The following PRDM16 variants were observed in gnomAD, a reference collection of about 807,000 sequenced individuals.
The protein encoded by PRDM16 is PR/SET domain 16.
PRDM16 carries 23 observed loss-of-function variants against 110.6 expected under a neutral mutation model. The ratio of observed to expected loss-of-function variants is 0.21; its 90% CI spans 0.15 to 0.29. The LOEUF is 0.29. Ranked by LOEUF, PRDM16 falls within the 10% of genes least tolerant of loss-of-function variation. The probability of loss-of-function intolerance (pLI) is 1.00; values close to 1 mark genes in which losing one functional copy is unlikely to be tolerated. For synonymous variants in PRDM16, 799 were observed against 781.8 expected, an observed-to-expected ratio of 1.02 and a Z score of -0.37; for missense variants, 1,615 against 1,794.3, an observed-to-expected ratio of 0.90 and a Z score of 1.81.
intron 3 of PRDM16, among the ~76,000 whole-genome samples, chr1:3,355,270 C>A (rs1642571701): frequency 6.6e-6 from 1 of 152,132 alleles, no homozygotes; most frequent in Admixed American, 6.5e-5. Context: ...GTGGAGGCCT[C>A]CGGGGTATCA....
intron 3 of PRDM16, among the ~76,000 whole-genome samples, chr1:3,292,423 G>A (rs1016937019): frequency 2.0e-5 from 3 of 152,224 alleles, no homozygotes; most frequent in African/African-American, 4.8e-5. Flanking sequence ...CGAGAGAGAA[G>A]CAAAGAACAC....
intron 1 of PRDM16, among the ~76,000 whole-genome samples, chr1:3,118,114 C>CAT (rs1557460541): frequency 1.4e-4 from 18 of 127,712 alleles, no homozygotes; most frequent in African/African-American, 4.7e-4. Flanking sequence ...TGTGTGTGTG[C>CAT]GTGTGCGTGT....
chr1:3,180,802 G>A (rs868770357), intron 1 of PRDM16, among the ~76,000 whole-genome samples: 4 of 143,058 alleles, frequency 2.8e-5, no homozygotes, highest in African/African-American at 5.4e-5. Context: ...AGCTGAGGTT[G>A]CCCTGGACAC....
chr1:3,181,260 TCTTACACACGGC>T (rs1361858548), intron 1 of PRDM16, among the ~76,000 whole-genome samples: 1 of 147,016 alleles, frequency 6.8e-6, no homozygotes, highest in African/African-American at 2.6e-5. Context: ...ACACACGCAG[TCTTACACACGGC>T]CTTACGCATG....
chr1:3,107,578 C>A (rs1028110758), intron 1 of PRDM16, among the ~76,000 whole-genome samples: 1 of 152,256 alleles, frequency 6.6e-6, no homozygotes, highest in African/African-American at 2.4e-5. Context: ...GTTAACTTCT[C>A]TGTCTCAGCC....
chr1:3,220,771 G>A lies in PRDM16; in HGVS notation c.388-23316G>A, dbSNP rs114517512. Among the ~76,000 whole-genome samples, 638 of 152,304 alleles carry A rather than the reference G, an allele frequency of 4.2e-3. 2 individuals are homozygous for A. Among genetic ancestry groups the A allele is most frequent in the Non-Finnish European group, 7.5e-3 (511 of 68,020 alleles). On this transcript the variant is annotated intron_variant, in intron 2 of 16. Transcript: ENST00000270722. ...AAACAGGGAGGCAGCCCAGGGTGCA[G>A]GGCTCGTGCATCTGCTCGCCTCCTC...
rs1200878790 is a variant in PRDM16 at position 3,402,882 on chromosome 1, G to A, written c.768G>A (p.Val256=). The change falls in exon 6 of 17, where the codon GTG becomes GTA. Residue 256 remains valine (V), a synonymous_variant. Coordinates refer to ENST00000270722, the MANE Select transcript of PRDM16 (RefSeq NM_022114.4). ...ATAAGAAGTACACGTGTGGCTCAGT[G>A]GGGGCTGCGCTCTACGAGGGCCTGG... The part of the protein sequence containing the change: ...RRHKKYTCGS[V]GAALYEGLAE... 6.2e-7 allele frequency: 1 copy of A among 1,613,062 alleles called. No homozygotes were observed.
In PRDM16 at chr1:3,209,354, G is replaced by A. The variant is rs144223125; in HGVS notation, c.387+22880G>A. Among the ~76,000 whole-genome samples the A allele has an allele frequency of 3.5e-4, 54 of 152,292 alleles. No homozygotes were observed. In the East Asian group the frequency reaches 7.9e-3, roughly 22 times the overall value. ...TGACATCGGGGCACGCAGCTCCGAC[G>A]TGGCCGGTCCCGACTGGCACACCTG... On this transcript the variant is annotated intron_variant, in intron 2 of 16. Transcript: ENST00000270722. The surrounding 1 kb of genome is among the most constrained non-coding windows in gnomAD (Gnocchi z 4.6).
intron 1 of PRDM16, among the ~76,000 whole-genome samples, chr1:3,077,419 A>G (rs1392173054): frequency 6.6e-6 from 1 of 152,178 alleles, no homozygotes; most frequent in Admixed American, 6.5e-5. Context: ...GAAACCAGGT[A>G]AAGGTGAGGA....
intron 2 of PRDM16, among the ~76,000 whole-genome samples, chr1:3,195,231 G>A (rs944765086): frequency 6.6e-6 from 1 of 152,228 alleles, no homozygotes; most frequent in Non-Finnish European, 1.5e-5. Context: ...GTGCCGTGGA[G>A]GAGTCACAGC....
intron 1 of PRDM16, among the ~76,000 whole-genome samples, chr1:3,163,669 C>A (rs946829890): frequency 2.6e-5 from 4 of 152,150 alleles, no homozygotes; most frequent in Non-Finnish European, 4.4e-5. Flanking sequence ...ACCCTTGTCC[C>A]GGCCTCCTTC....
rs543723387 is a variant in PRDM16 at position 3,436,216 on chromosome 1, T to C, written c.*2405T>C. The C allele has an allele frequency of 3.0e-4, 69 of 226,414 alleles. No individual in the cohort carries two copies. Among genetic ancestry groups the C allele is most frequent in the African/African-American group, 1.5e-3 (65 of 44,320 alleles). The allele number at this position is 226,414 out of a possible 1,614,324, so 14.0% of individuals were successfully genotyped here. A position where few individuals can be genotyped will look rare whatever the true frequency, so the allele number is the denominator to read the frequency against. On this transcript the variant is annotated 3_prime_UTR_variant, in exon 17 of 17. Coordinates refer to ENST00000270722, the MANE Select transcript of PRDM16 (RefSeq NM_022114.4). ...GGTGTGTGCTTTTTTTTTTTTGCAA[T>C]ATGACCCCGTCTCTCTGAAGTGGGA...
chr1:3,254,529 C>G (rs1430518486), intron 3 of PRDM16, among the ~76,000 whole-genome samples: 1 of 152,020 alleles, frequency 6.6e-6, no homozygotes, highest in Non-Finnish European at 1.5e-5. Flanking sequence ...GACAGAGAGC[C>G]AAATCATGAG....
At position 3,213,408 on chromosome 1, in the gene PRDM16, C is replaced by T. The variant is rs1638945181; in HGVS notation, c.387+26934C>T. Among the ~76,000 whole-genome samples the T allele has an allele frequency of 6.6e-6, 1 of 152,206 alleles. No individual in the cohort carries two copies. Among genetic ancestry groups the T allele is most frequent in the Non-Finnish European group, 1.5e-5 (1 of 68,046 alleles). ...CGGGTCCTGGGCGTCTCGGCTCCGC[C>T]ATTGTCATTAATTATAAAATTGGGA... On this transcript the variant is annotated intron_variant, in intron 2 of 16. Transcript: ENST00000270722. This position sits in a 1 kb window ranked among gnomAD's most constrained non-coding sequence, Gnocchi z 5.3.
intron 3 of PRDM16, among the ~76,000 whole-genome samples, chr1:3,277,383 G>A (rs959066638): frequency 4.6e-5 from 7 of 152,232 alleles, no homozygotes; most frequent in Non-Finnish European, 7.3e-5. Flanking sequence ...CGTCAGCCGG[G>A]AAGGCTGCAG....
At position 3,081,251 on chromosome 1, in the gene PRDM16, G is replaced by C. The variant is rs536360494; in HGVS notation, c.37+11955G>C. On this transcript the variant is annotated intron_variant, in intron 1 of 16. Transcript: ENST00000270722. The surrounding 1 kb of genome is among the most constrained non-coding windows in gnomAD (Gnocchi z 4.6). ...GCGGGACTTGGGTTCGAGGCCCCTC[G>C]CGGCTGTACCCCGAGTCCCCCGTGC... is the stretch of plus-strand genomic sequence containing the variant. Among the ~76,000 whole-genome samples the C allele has an allele frequency of 6.8e-4, 103 of 152,346 alleles. No homozygotes were observed. Among genetic ancestry groups the C allele is most frequent in the Middle Eastern group, 3.4e-3 (1 of 294 alleles).
At chr1:3,410,839 C>T (rs1303130927) in intron 8 of PRDM16, among the ~76,000 whole-genome samples, 1 of 152,184 alleles carries the variant, frequency 6.6e-6, no homozygotes, top group Non-Finnish European at 1.5e-5. Context: ...TTCGCTTTCC[C>T]CGTGCCCCGC....
intron 12 of PRDM16, among the ~76,000 whole-genome samples, chr1:3,420,019 G>A (rs543122818): frequency 2.6e-5 from 4 of 152,126 alleles, no homozygotes; most frequent in African/African-American, 9.6e-5. Flanking sequence ...CAGAAAATGA[G>A]CTGTGTGTTT....
At chr1:3,301,332 C>CAAAAAAAAAAAAA in intron 3 of PRDM16, among the ~76,000 whole-genome samples, 1 of 101,870 alleles carries the variant, frequency 9.8e-6, no homozygotes, top group African/African-American at 3.8e-5. Context: ...GATCCCATCT[C>CAAAAAAAAAAAAA]AAAAAAAAAA....
Sources: allele counts gnomAD v4.1 joint callset (sites outside exome capture counted in the v4.1 genomes callset), GRCh38; gene constraint gnomAD v4.1.1; non-coding constraint Gnocchi (gnomAD v3.1); transcripts MANE v1.5; gene names NCBI Gene and HGNC (gene_info 2026-07-23, HGNC 2026-07-21).